ARHGAP10: variants seen among roughly 807,000 people sequenced by gnomAD.
ARHGAP10 encodes the protein rho GTPase-activating protein 10.
In ARHGAP10, 87 loss-of-function variants were observed where a neutral mutation model predicts 108.6. The observed-to-expected ratio is 0.80, with a 90% CI of 0.67 to 0.96. The LOEUF (loss-of-function observed/expected upper bound fraction) is 0.96, where lower values mean the gene tolerates loss of function less well. Ranked by LOEUF, ARHGAP10 falls within the 40% of genes least tolerant of loss-of-function variation. The pLI is 0.00. For missense variants in ARHGAP10, 939 were observed against 954.5 expected, an observed-to-expected ratio of 0.98 and a Z score of 0.21; for synonymous variants, 347 against 341.1, an observed-to-expected ratio of 1.02 and a Z score of -0.19.
At chr4:147,793,915 T>C (rs923348929) in intron 1 of ARHGAP10, among the ~76,000 whole-genome samples, 2 of 152,252 alleles carry the variant, frequency 1.3e-5, no homozygotes, top group African/African-American at 4.8e-5. Flanking sequence ...GTTCAGCACC[T>C]TAAAAAATAA....
chr4:147,956,772 T>C (rs1738802485), intron 16 of ARHGAP10, among the ~76,000 whole-genome samples: 1 of 151,872 alleles, frequency 6.6e-6, no homozygotes, highest in African/African-American at 2.4e-5. Context: ...CTTTTATTAT[T>C]ATACTTTAAG....
chr4:147,751,607 G>C (rs1177986614), intron 1 of ARHGAP10, among the ~76,000 whole-genome samples: 1 of 151,874 alleles, frequency 6.6e-6, no homozygotes, highest in Non-Finnish European at 1.5e-5. Context: ...CTCAAGTGAT[G>C]TGCCTACCTC....
At chr4:148,056,400 T>C (rs541266759) in intron 20 of ARHGAP10, among the ~76,000 whole-genome samples, 115 of 152,324 alleles carry the variant, frequency 7.5e-4, no homozygotes, top group African/African-American at 2.4e-3. Context: ...GCTTTTAGTG[T>C]TTCAGTGACT....
At chr4:147,919,666 C>T (rs1737154246) in intron 13 of ARHGAP10, among the ~76,000 whole-genome samples, 1 of 152,074 alleles carries the variant, frequency 6.6e-6, no homozygotes, top group African/African-American at 2.4e-5. Context: ...TCCGTCTCCG[C>T]CTCCCGGGTT....
At chr4:147,857,354 AGT>A (rs2126832689) in intron 4 of ARHGAP10, among the ~76,000 whole-genome samples, 197 bp from the exon 5 acceptor site, 1 of 152,318 alleles carries the variant, frequency 6.6e-6, no homozygotes, top group African/African-American at 2.4e-5. Context: ...AAGAAATAAA[AGT>A]GTCTCTTCTA....
chr4:147,789,888 A>G (rs772869725), intron 1 of ARHGAP10, among the ~76,000 whole-genome samples: 1 of 152,134 alleles, frequency 6.6e-6, no homozygotes, highest in Non-Finnish European at 1.5e-5. Flanking sequence ...GAGTCTCATC[A>G]GCTCCCCAAG....
At chr4:147,962,381 C>T (rs775263981) in intron 16 of ARHGAP10, among the ~76,000 whole-genome samples, 11 of 152,218 alleles carry the variant, frequency 7.2e-5, no homozygotes, top group Non-Finnish European at 1.3e-4. Context: ...GTGCCAGCCA[C>T]AGAGGCTAAG....
At chr4:147,871,803 A>G (rs1734834054) in intron 7 of ARHGAP10, among the ~76,000 whole-genome samples, 4 of 152,218 alleles carry the variant, frequency 2.6e-5, no homozygotes, top group African/African-American at 4.8e-5. Context: ...TAAAAATGGT[A>G]CATTTAAAAA....
At chr4:147,992,392 G>A (rs1010539716) in intron 18 of ARHGAP10, among the ~76,000 whole-genome samples, 9 of 152,200 alleles carry the variant, frequency 5.9e-5, no homozygotes, top group South Asian at 2.1e-4. Flanking sequence ...TCTAAAAAGC[G>A]TTTTATTTTG....
chr4:147,809,549 A>G (rs191767920), intron 1 of ARHGAP10, among the ~76,000 whole-genome samples: 2 of 152,336 alleles, frequency 1.3e-5, no homozygotes, highest in African/African-American at 2.4e-5. Context: ...GCTCAGAAGC[A>G]TTGTCACCTG....
chr4:147,768,721 A>G (rs529938012), intron 1 of ARHGAP10, among the ~76,000 whole-genome samples: 3 of 148,142 alleles, frequency 2.0e-5, no homozygotes, highest in Non-Finnish European at 4.4e-5. Context: ...GTGCTTAAAA[A>G]TGGGGGCAAA....
intron 1 of ARHGAP10, among the ~76,000 whole-genome samples, chr4:147,756,610 C>T (rs1015054571): frequency 2.6e-5 from 4 of 152,176 alleles, no homozygotes; most frequent in Admixed American, 2.6e-4. Flanking sequence ...CCTGCTCCAT[C>T]CCACCTGGGA....
chr4:147,982,237 G>T (rs13129809), intron 18 of ARHGAP10, among the ~76,000 whole-genome samples: 77,523 of 151,956 alleles, frequency 0.51, 23,286 homozygotes, highest in Non-Finnish European at 0.66. Flanking sequence ...TAGGTAACAT[G>T]ATCCTTTTCT....
chr4:147,878,462 A>G (rs6840771), intron 8 of ARHGAP10, among the ~76,000 whole-genome samples: 30,127 of 152,130 alleles, frequency 0.2, 4,861 homozygotes, highest in African/African-American at 0.44. Flanking sequence ...GATGCTGTTC[A>G]TGGACTTAAA....
chr4:147,743,359 C>T (rs1284300903), intron 1 of ARHGAP10, among the ~76,000 whole-genome samples: 3 of 151,990 alleles, frequency 2.0e-5, no homozygotes, highest in Admixed American at 6.6e-5. Flanking sequence ...TTGTGAAATG[C>T]GAATCAAAGG....
intron 1 of ARHGAP10, among the ~76,000 whole-genome samples, chr4:147,799,175 C>G (rs943269375): frequency 1.3e-5 from 2 of 152,030 alleles, no homozygotes; most frequent in Admixed American, 6.6e-5. Flanking sequence ...GCTGGGACTA[C>G]AGGCATGCAT....
intron 11 of ARHGAP10, among the ~76,000 whole-genome samples, chr4:147,907,880 T>G (rs1465204866): frequency 6.6e-6 from 1 of 152,168 alleles, no homozygotes; most frequent in Admixed American, 6.5e-5. Flanking sequence ...TCTCACTCTG[T>G]TGCCCAGTCT....
At chr4:147,918,060 A>T (rs1186328250) in intron 13 of ARHGAP10, among the ~76,000 whole-genome samples, 1 of 152,194 alleles carries the variant, frequency 6.6e-6, no homozygotes, top group African/African-American at 2.4e-5. Context: ...GTATATATAA[A>T]ATGAGATACA....
intron 1 of ARHGAP10, among the ~76,000 whole-genome samples, chr4:147,782,910 A>AAT (rs1220754731): frequency 7.7e-5 from 11 of 143,562 alleles, no homozygotes; most frequent in Admixed American, 2.2e-4. Context: ...TATTATATAT[A>AAT]ATATATAAAT....
Sources: allele counts gnomAD v4.1 joint callset (sites outside exome capture counted in the v4.1 genomes callset), GRCh38; gene constraint gnomAD v4.1.1; transcripts MANE v1.5; gene names NCBI Gene and HGNC (gene_info 2026-07-23, HGNC 2026-07-21).